GDAP2: variants seen among roughly 807,000 people sequenced by gnomAD.
GDAP2 encodes the protein ganglioside induced differentiation associated protein 2, also known as ganglioside-induced differentiation-associated protein 2.
In GDAP2, 51 loss-of-function variants were observed where a neutral mutation model predicts 67.0. The observed-to-expected ratio is 0.76, with a 90% CI of 0.61 to 0.96. The LOEUF (loss-of-function observed/expected upper bound fraction) is 0.96. Ranked by LOEUF, GDAP2 falls within the 40% of genes least tolerant of loss-of-function variation. The pLI is 0.00. For missense variants in GDAP2, 547 were observed against 588.3 expected, an observed-to-expected ratio of 0.93 and a Z score of 0.73; for synonymous variants, 203 against 207.3, an observed-to-expected ratio of 0.98 and a Z score of 0.18.
At position 117,867,635 on chromosome 1, in the gene GDAP2, G is replaced by C. The variant is rs572753170; in HGVS notation, c.*2934C>G. On this transcript the variant is annotated 3_prime_UTR_variant, in exon 14 of 14. Coordinates refer to ENST00000369443, the MANE Select transcript of GDAP2 (RefSeq NM_017686.4). ...GAGAACCACTTAAACCTGGGAGGCC[G>C]AGGCTGCAGTGAGCCGAGATCACAC... The C allele has an allele frequency of 4.4e-4, 67 of 151,466 alleles. No homozygotes were observed. Among genetic ancestry groups the C allele is most frequent in the African/African-American group, 1.6e-3 (65 of 41,170 alleles). The allele number at this position is 151,466 out of a possible 1,614,324, so 9.4% of individuals were successfully genotyped here.
intron 1 of GDAP2, among the ~76,000 whole-genome samples, chr1:117,928,012 T>A (rs1650515358): frequency 6.6e-6 from 1 of 152,218 alleles, no homozygotes; most frequent in African/African-American, 2.4e-5. Flanking sequence ...TGATACCAAC[T>A]CTTATTAAAA....
In GDAP2 at chr1:117,886,562, C is replaced by CT. The variant is rs1188762258; in HGVS notation, c.1107+14dup. ...ATCAACATTGTTTGTAAAACAGAGC[C>CT]TTTTTATGGCTTACCTTGTCCATAT... is the stretch of plus-strand genomic sequence containing the variant. On this transcript the variant is annotated intron_variant, in intron 10 of 13. Coordinates refer to ENST00000369443, the MANE Select transcript of GDAP2 (RefSeq NM_017686.4). 8.1e-6 allele frequency: 11 copies of CT among 1,354,550 alleles called. No individual in the cohort carries two copies. The highest frequency in any genetic ancestry group is 1.2e-5 in the Non-Finnish European group (11 of 945,204). 83.9% of individuals were successfully genotyped at this position (1,354,550 alleles called of 1,614,324 possible). A position where few individuals can be genotyped will look rare whatever the true frequency, so the allele number is the denominator to read the frequency against.
chr1:117,915,734 T>G (rs572132887), intron 3 of GDAP2, among the ~76,000 whole-genome samples: 1 of 152,254 alleles, frequency 6.6e-6, no homozygotes, highest in Admixed American at 6.5e-5. Context: ...ATTCACAAAG[T>G]GAATATAAGA....
Position 117,883,515 on chromosome 1 carries a change from T to C in GDAP2, c.1220A>G (p.Lys407Arg), listed in dbSNP as rs746722503. 6.2e-7 allele frequency: 1 copy of C among 1,612,862 alleles called. No individual in the cohort carries two copies. The highest frequency in any genetic ancestry group is 2.2e-5 in the East Asian group (1 of 44,798). The change falls in exon 11 of 14, where the codon AAG becomes AGG. Residue 407 changes from lysine to arginine, a missense_variant. Coordinates refer to ENST00000369443, the MANE Select transcript of GDAP2 (RefSeq NM_017686.4). ...EYNHLDSDFL[K>R]KLYDVVDVKY... ...GACATCAACAACATCGTAGAGTTTCTTCAGGAAGTCGGAGTCCAGGTGATT... is the reference window on the plus strand; with the variant it reads ...GACATCAACAACATCGTAGAGTTTCCTCAGGAAGTCGGAGTCCAGGTGATT...
Position 117,920,233 on chromosome 1 carries a change from A to G in GDAP2, c.125T>C (p.Val42Ala). ...CTTATTATAAAGAAAAGGTGATCGA[A>G]CAGTGTCTTCCTGAAATATTTCAGC... ...TTAEIFQEDTVRSPFLYNKDV... is the reference protein window; with the variant it reads ...TTAEIFQEDTARSPFLYNKDV... The change falls in exon 2 of 14, where the codon GTT becomes GCT. Residue 42 changes from valine (V) to alanine (A), a missense_variant. Coordinates refer to ENST00000369443, the MANE Select transcript of GDAP2 (RefSeq NM_017686.4). 6.2e-7 allele frequency: 1 copy of G among 1,609,750 alleles called. No individual in the cohort carries two copies. The highest frequency in any genetic ancestry group is 2.2e-5 in the East Asian group (1 of 44,852).
chr1:117,894,551 G>A (rs1360215242), intron 8 of GDAP2, among the ~76,000 whole-genome samples: 1 of 152,136 alleles, frequency 6.6e-6, no homozygotes, highest in Non-Finnish European at 1.5e-5. Flanking sequence ...ATCAGTTCTT[G>A]AGAACCCATC....
At chr1:117,873,182 C>A (rs899063213) in intron 13 of GDAP2, among the ~76,000 whole-genome samples, 1 of 152,172 alleles carries the variant, frequency 6.6e-6, no homozygotes, top group Non-Finnish European at 1.5e-5. Context: ...TGGAAACAAT[C>A]ATAGAAATTT....
In GDAP2 at chr1:117,912,020, A is replaced by G. The variant is rs752613717; in HGVS notation, c.533T>C (p.Leu178Ser). The G allele has an allele frequency of 1.3e-5, 20 of 1,598,826 alleles. No individual in the cohort carries two copies. Among genetic ancestry groups the G allele is most frequent in the African/African-American group, 2.7e-5 (2 of 74,592 alleles). The change falls in exon 5 of 14, where the codon TTA (leucine) becomes TCA (serine). Residue 178 changes from leucine to serine, a missense_variant. Leu to Ser is a moderately radical substitution (Grantham distance 145). Transcript: ENST00000369443. Reference protein sequence around the residue: ...VINSAKRGYPLEDATHIALRT... With the variant: ...VINSAKRGYPSEDATHIALRT... ...AAGTGCTATGTGTGTTGCATCCTCT[A>G]AAGGATAACCACGTTTTGCAGAATT...
At chr1:117,913,808 G>A (rs942469547) in intron 3 of GDAP2, among the ~76,000 whole-genome samples, 1 of 152,230 alleles carries the variant, frequency 6.6e-6, no homozygotes, top group Middle Eastern at 3.4e-3. Context: ...CTAATGTGAT[G>A]GTATTAGGAG....
intron 5 of GDAP2, among the ~76,000 whole-genome samples, chr1:117,910,160 A>T (rs1012110898): frequency 3.3e-5 from 5 of 152,154 alleles, no homozygotes; most frequent in Non-Finnish European, 5.9e-5. Flanking sequence ...TGAATCATCT[A>T]GTATAACAGA....
chr1:117,883,370 A>G lies in GDAP2; in HGVS notation c.1247+118T>C, dbSNP rs1648733104. The G allele has an allele frequency of 4.2e-6, 3 of 718,236 alleles. No individual in the cohort carries two copies. In the South Asian group the frequency reaches 5.7e-5, roughly 14 times the overall value. 44.5% of individuals were successfully genotyped at this position (718,236 alleles called of 1,614,324 possible). A position where few individuals can be genotyped will look rare whatever the true frequency, so the allele number is the denominator to read the frequency against. ...GATTGAAGTATCTAATCTAGGTATG[A>G]TAAAAGTCTTTGTTACATGAAATAT... On this transcript the variant is annotated intron_variant, in intron 11 of 13. Transcript: ENST00000369443.
intron 3 of GDAP2, among the ~76,000 whole-genome samples, chr1:117,917,389 C>T (rs1169162775): frequency 2.0e-5 from 3 of 152,208 alleles, no homozygotes; most frequent in Non-Finnish European, 4.4e-5. Context: ...AAACAGACAA[C>T]TGGGGCCTAA....
At chr1:117,916,790 T>C (rs992007636) in intron 3 of GDAP2, among the ~76,000 whole-genome samples, 5 of 152,230 alleles carry the variant, frequency 3.3e-5, no homozygotes, top group East Asian at 1.9e-4. Flanking sequence ...TCCCAGCACA[T>C]TGGGAGGCCG....
chr1:117,906,053 G>T (rs924468477), intron 6 of GDAP2, among the ~76,000 whole-genome samples: 2 of 152,262 alleles, frequency 1.3e-5, no homozygotes, highest in African/African-American at 4.8e-5. Flanking sequence ...AAAATGGTTT[G>T]AAATTAAGTT....
chr1:117,863,710 A>G lies in GDAP2; in HGVS notation c.*6859T>C, dbSNP rs1003243555. On this transcript the variant is annotated 3_prime_UTR_variant, in exon 14 of 14. Coordinates refer to ENST00000369443, the MANE Select transcript of GDAP2 (RefSeq NM_017686.4). ...TACATTGATATTCTATATTTAAATT[A>G]TGTTTTATAAAAGCATGCGCTTTGG... is the stretch of plus-strand genomic sequence containing the variant. 2.6e-5 allele frequency: 4 copies of G among 152,220 alleles called. No individual in the cohort carries two copies. The highest frequency in any genetic ancestry group is 4.8e-5 in the African/African-American group (2 of 41,456). 9.4% of individuals were successfully genotyped at this position (152,220 alleles called of 1,614,324 possible).
intron 6 of GDAP2, among the ~76,000 whole-genome samples, chr1:117,905,349 CA>C (rs1649620832): frequency 6.6e-6 from 1 of 152,230 alleles, no homozygotes; most frequent in Non-Finnish European, 1.5e-5. Context: ...CTCAGCCTCA[CA>C]TTTTATGCAA....
chr1:117,888,999 G>A (rs1394064032), intron 8 of GDAP2, among the ~76,000 whole-genome samples: 1 of 152,040 alleles, frequency 6.6e-6, no homozygotes, highest in Non-Finnish European at 1.5e-5. Context: ...TAGTTCTATA[G>A]ACTGCCTTCT....
rs750442988 is a variant in GDAP2 at position 117,920,376 on chromosome 1, T to C, written c.-19A>G. The stretch of plus-strand genomic sequence containing the variant: ...GATCCATGGAATGGGAACTTTGATT[T>C]GTCTTTTCCCAAAATCCTCAGCAAT... On this transcript the variant is annotated 5_prime_UTR_variant, in exon 2 of 14. Transcript: ENST00000369443. The C allele has an allele frequency of 2.6e-6, 4 of 1,556,086 alleles. No individual in the cohort carries two copies. In the Admixed American group the frequency reaches 7.6e-5, roughly 30 times the overall value.
intron 11 of GDAP2, among the ~76,000 whole-genome samples, 155 bp from the exon 12 acceptor site, chr1:117,882,032 C>T (rs187969252): frequency 3.3e-5 from 5 of 151,970 alleles, no homozygotes; most frequent in Non-Finnish European, 7.4e-5. Context: ...TAGGTGAATG[C>T]CAAAAACAAT....
Sources: gnomAD v4.1 joint callset for allele counts (sites outside exome capture counted in the v4.1 genomes callset) on GRCh38, gnomAD v4.1.1 for gene constraint, MANE v1.5 for transcripts, NCBI Gene and HGNC (gene_info 2026-07-23, HGNC 2026-07-21) for gene names.